Variants in RBL1 observed in about 807,000 individuals in gnomAD.
The protein encoded by RBL1 is RB transcriptional corepressor like 1, also known as retinoblastoma-like protein 1.
RBL1 carries 82 observed loss-of-function variants against 123.0 expected under a neutral mutation model. That is an observed-to-expected ratio of 0.67 (90% CI 0.56 to 0.80). RBL1 has a LOEUF of 0.80. Ranked by LOEUF, RBL1 falls within the 30% of genes least tolerant of loss-of-function variation. The pLI, the probability that RBL1 is intolerant of heterozygous loss-of-function variation, is 0.00. For synonymous variants in RBL1, 405 were observed against 441.3 expected, an observed-to-expected ratio of 0.92 and a Z score of 1.03; for missense variants, 1,171 against 1,299.6, an observed-to-expected ratio of 0.90 and a Z score of 1.52.
chr20:37,079,427 G>A (rs1046879765), intron 2 of RBL1, among the ~76,000 whole-genome samples: 1 of 151,160 alleles, frequency 6.6e-6, no homozygotes, highest in Non-Finnish European at 1.5e-5. Context: ...GAGAACAGGG[G>A]GCAGCCAGTT....
At chr20:37,017,171 G>A (rs551719580) in intron 19 of RBL1, among the ~76,000 whole-genome samples, 27 of 151,904 alleles carry the variant, frequency 1.8e-4, no homozygotes, top group Non-Finnish European at 3.2e-4. Context: ...TCACGATTTC[G>A]AGACCAGCCT....
intron 1 of RBL1, among the ~76,000 whole-genome samples, chr20:37,094,948 T>C (rs2065705895): frequency 6.6e-6 from 1 of 152,188 alleles, no homozygotes; most frequent in African/African-American, 2.4e-5. Flanking sequence ...TGGGTTTCTA[T>C]ATTAGAATAA....
chr20:37,004,603 T>C (rs2064039648), intron 20 of RBL1, among the ~76,000 whole-genome samples: 1 of 147,858 alleles, frequency 6.8e-6, no homozygotes, highest in Admixed American at 6.7e-5. Context: ...ATCCGAGCTA[T>C]TTGGGAGGCT....
chr20:37,020,527 G>A, intron 18 of RBL1, 132 bp downstream of exon 18: 1 of 676,968 alleles, frequency 1.5e-6, no homozygotes, highest in South Asian at 1.8e-5. Context: ...TATCTCTTGA[G>A]TTTAATGTTA....
intron 2 of RBL1, among the ~76,000 whole-genome samples, chr20:37,086,595 C>T (rs769051119): frequency 4.6e-5 from 7 of 152,052 alleles, no homozygotes; most frequent in African/African-American, 1.2e-4. Context: ...ACCTATTTGC[C>T]ATTTCTGAAT....
In RBL1 at chr20:37,035,320, G is replaced by A. The variant is rs1229953553; in HGVS notation, c.2092C>T (p.Pro698Ser). Reference sequence around the variant, plus strand: ...GCCATTGTTAGAAGAGTTTGACCAGGTAAAATTGATACATTTTCAGCAGTA... The same window carrying A: ...GCCATTGTTAGAAGAGTTTGACCAGATAAAATTGATACATTTTCAGCAGTA... ...SITAENVSIL[P>S]GQTLLTMATA... The change falls in exon 15 of 22, where the codon CCT becomes TCT. Residue 698 changes from proline (P) to serine (S), a missense_variant. By Grantham distance (74) the Pro-to-Ser change is moderately conservative. Transcript: ENST00000373664. The A allele has an allele frequency of 6.2e-7, 1 of 1,613,824 alleles. No homozygotes were observed. The highest frequency in any genetic ancestry group is 8.5e-7 in the Non-Finnish European group (1 of 1,179,894).
Position 36,997,683 on chromosome 20 carries a change from A to G in RBL1, c.*1076T>C, listed in dbSNP as rs1277411354. 6.6e-6 allele frequency: 1 copy of G among 152,140 alleles called. No individual in the cohort carries two copies. The highest frequency in any genetic ancestry group is 1.5e-5 in the Non-Finnish European group (1 of 68,016). 9.4% of individuals were successfully genotyped at this position (152,140 alleles called of 1,614,324 possible). ...AGTTTTTAATAACTAACTGAATTTT[A>G]TTTTACTGGCTTCAGAAGCAGCTGC... On this transcript the variant is annotated 3_prime_UTR_variant, in exon 22 of 22. Transcript: ENST00000373664.
chr20:37,071,191 G>A (rs763739910), intron 2 of RBL1, among the ~76,000 whole-genome samples: 3 of 152,016 alleles, frequency 2.0e-5, no homozygotes, highest in Non-Finnish European at 2.9e-5. Flanking sequence ...CACTGCACTC[G>A]GCCCTATGTT....
At chr20:37,074,998 A>G (rs2065341537) in intron 2 of RBL1, among the ~76,000 whole-genome samples, 1 of 152,392 alleles carries the variant, frequency 6.6e-6, no homozygotes, top group Admixed American at 6.5e-5. Context: ...TGGATAAACA[A>G]AATGTGGTAT....
At chr20:37,021,466 A>G (rs1287275324) in intron 17 of RBL1, among the ~76,000 whole-genome samples, 1 of 148,792 alleles carries the variant, frequency 6.7e-6, no homozygotes, top group African/African-American at 2.5e-5. Flanking sequence ...TTTTTTTGAG[A>G]TAGAGTCTCA....
In RBL1 at chr20:36,998,678, G is replaced by T; in HGVS notation, c.*81C>A. 2 of 1,292,600 alleles carry T rather than the reference G, an allele frequency of 1.5e-6. No individual in the cohort carries two copies. Among genetic ancestry groups the T allele is most frequent in the Non-Finnish European group, 2.1e-6 (2 of 944,782 alleles). 80.1% of individuals were successfully genotyped at this position (1,292,600 alleles called of 1,614,324 possible). On this transcript the variant is annotated 3_prime_UTR_variant, in exon 22 of 22. Coordinates refer to ENST00000373664, the MANE Select transcript of RBL1 (RefSeq NM_002895.5). ...ACCCAGTGATATTTATCATCTATAG[G>T]GCTAAAAGGTTTGAAGGACAGAGCT...
intron 13 of RBL1, among the ~76,000 whole-genome samples, chr20:37,042,417 G>C (rs1439323825): frequency 6.6e-6 from 1 of 152,096 alleles, no homozygotes; most frequent in East Asian, 1.9e-4. Flanking sequence ...TGAAGAAACT[G>C]GAATCTTTCT....
rs2064828092 is a variant in RBL1, at chr20:37,047,073, G to C, written c.1585C>G (p.Gln529Glu). The change falls in exon 12 of 22, where the codon CAA becomes GAA. Residue 529 changes from glutamine (Q) to glutamate (E), a missense_variant. Transcript: ENST00000373664. ...CTCACCTTATAAAAGTAAAATGGTT[G>C]CAAGTTGAGAACTTCAATAATCCAA... is the stretch of plus-strand genomic sequence containing the variant. ...FPWIIEVLNL[Q>E]PFYFYKVIEV... The C allele has an allele frequency of 6.3e-7, 1 of 1,586,790 alleles. No individual in the cohort carries two copies. Among genetic ancestry groups the C allele is most frequent in the African/African-American group, 1.4e-5 (1 of 73,030 alleles).
chr20:37,041,287 A>G (rs1317875570), intron 13 of RBL1, among the ~76,000 whole-genome samples: 1 of 152,030 alleles, frequency 6.6e-6, no homozygotes, highest in African/African-American at 2.4e-5. Context: ...TTTGTGCACA[A>G]CTCTGGGCAC....
chr20:37,044,052 T>TTA, intron 13 of RBL1, 34 bp downstream of exon 13: 2 of 1,412,868 alleles, frequency 1.4e-6, no homozygotes, highest in Non-Finnish European at 9.5e-7. Context: ...TTTTTTTTTT[T>TTA]AATGATACGA....
At chr20:37,037,545 C>G (rs1009060597) in intron 14 of RBL1, among the ~76,000 whole-genome samples, 26 of 152,090 alleles carry the variant, frequency 1.7e-4, no homozygotes, top group African/African-American at 6.3e-4. Context: ...TTTCTCTAAA[C>G]ATTAATAACT....
Position 36,997,196 on chromosome 20 carries a change from A to G in RBL1, c.*1563T>C, listed in dbSNP as rs888574747. On this transcript the variant is annotated 3_prime_UTR_variant, in exon 22 of 22. Transcript: ENST00000373664. Reference sequence around the variant, plus strand: ...ACGTTAAAGAGGTGATATTTTGGAAAGCATCCCTAGTACTGAAAAGCATCC... The same window carrying G: ...ACGTTAAAGAGGTGATATTTTGGAAGGCATCCCTAGTACTGAAAAGCATCC... 2 of 152,170 alleles carry G rather than the reference A, an allele frequency of 1.3e-5. No homozygotes were observed. Among genetic ancestry groups the G allele is most frequent in the African/African-American group, 4.8e-5 (2 of 41,438 alleles). The allele number at this position is 152,170 out of a possible 1,614,324, so 9.4% of individuals were successfully genotyped here.
chr20:37,000,554 G>A (rs1181698238), intron 21 of RBL1, among the ~76,000 whole-genome samples: 1 of 137,094 alleles, frequency 7.3e-6, no homozygotes, highest in Non-Finnish European at 1.6e-5. Context: ...GAAGTGAGGA[G>A]CCCCTCTGCC....
chr20:37,014,077 C>T (rs1013315327), intron 19 of RBL1, among the ~76,000 whole-genome samples: 3 of 149,830 alleles, frequency 2.0e-5, no homozygotes, highest in African/African-American at 5.0e-5. Context: ...TCCTACATAA[C>T]TTTCTCTCTT....
Sources: gnomAD v4.1 joint callset for allele counts (sites outside exome capture counted in the v4.1 genomes callset) on GRCh38, gnomAD v4.1.1 for gene constraint, MANE v1.5 for transcripts, NCBI Gene and HGNC (gene_info 2026-07-23, HGNC 2026-07-21) for gene names.